TTC7B: variants seen among roughly 807,000 people sequenced by gnomAD.
TTC7B encodes the protein tetratricopeptide repeat protein 7B.
A neutral mutation model predicts 106.8 loss-of-function variants in TTC7B; 28 were observed. That is an observed-to-expected ratio of 0.26 (90% confidence interval 0.19 to 0.36). The LOEUF is 0.36. TTC7B is among the 10% of genes least tolerant of loss of function. TTC7B has a pLI of 1.00. For synonymous variants in TTC7B, 405 were observed against 430.6 expected (o/e 0.94, Z 0.74); for missense variants, 862 against 1,076.4 (o/e 0.80, Z 2.79).
At chr14:90,659,176 C>T (rs1886078873) in intron 9 of TTC7B, among the ~76,000 whole-genome samples, 1 of 151,798 alleles carries the variant, frequency 6.6e-6, no homozygotes, top group African/African-American at 2.4e-5. Flanking sequence ...GGGGAGAATC[C>T]ATGCCACAGA....
Position 90,659,251 on chromosome 14 carries a change from A to AGT in TTC7B, c.1153-866_1153-865dup, listed in dbSNP as rs969267159. Among the ~76,000 whole-genome samples the AGT allele has an allele frequency of 8.8e-4, 121 of 136,992 alleles. 1 individual carries two copies. The highest frequency in any genetic ancestry group is 2.9e-3 in the African/African-American group (97 of 33,758). 89.9% of individuals were successfully genotyped at this position (136,992 alleles called of 152,430 possible). A position where few individuals can be genotyped will look rare whatever the true frequency, so the allele number is the denominator to read the frequency against. On this transcript the variant is annotated intron_variant, in intron 9 of 19. Transcript: ENST00000328459. ...TGTGTGAGAGAGAGAGAGTGTGTGG[A>AGT]GTGTGTGTGTGTGTGTTTGAGAGAG...
At chr14:90,738,383 C>A (rs543598427) in intron 4 of TTC7B, among the ~76,000 whole-genome samples, 1 of 152,156 alleles carries the variant, frequency 6.6e-6, no homozygotes, top group African/African-American at 2.4e-5. Context: ...GCCAAGCTCT[C>A]GAATCACCTG....
At chr14:90,748,711 C>G (rs1263872719) in intron 3 of TTC7B, among the ~76,000 whole-genome samples, 1 of 152,118 alleles carries the variant, frequency 6.6e-6, no homozygotes, top group Non-Finnish European at 1.5e-5. Context: ...CCCCTCCCAG[C>G]CTTTATTATC....
intron 16 of TTC7B, among the ~76,000 whole-genome samples, chr14:90,614,973 G>A (rs1243641723): frequency 6.6e-6 from 1 of 152,206 alleles, no homozygotes; most frequent in Admixed American, 6.5e-5. Context: ...AGAAGACAAA[G>A]CATGAGACAG....
rs1891357075 is a variant in TTC7B at position 90,578,522 on chromosome 14, G to A, written c.2108-214C>T. Among the ~76,000 whole-genome samples, 1 of 152,034 alleles carries A rather than the reference G, an allele frequency of 6.6e-6. No homozygotes were observed. Among genetic ancestry groups the A allele is most frequent in the Non-Finnish European group, 1.5e-5 (1 of 67,998 alleles). On this transcript the variant is annotated intron_variant, in intron 18 of 19. Transcript: ENST00000328459. This position sits in a 1 kb window ranked among gnomAD's most constrained non-coding sequence, Gnocchi z 4.7. ...TCACTCGTGTTGTGGGCCTTGCAGG[G>A]CAGGCATAGGTCACCACCAGGCAGG...
At chr14:90,722,353 A>G (rs553824089) in intron 5 of TTC7B, among the ~76,000 whole-genome samples, 4 of 152,256 alleles carry the variant, frequency 2.6e-5, no homozygotes, top group South Asian at 4.1e-4. Context: ...AATGAACCTG[A>G]TCCTACTAAA....
rs966630593 is a variant in TTC7B at position 90,808,660 on chromosome 14, C to T, written c.121+7515G>A. Among the ~76,000 whole-genome samples, 5 of 152,286 alleles carry T rather than the reference C, an allele frequency of 3.3e-5. No homozygotes were observed. The highest frequency in any genetic ancestry group is 2.0e-4 in the Admixed American group (3 of 15,304). The stretch of plus-strand genomic sequence containing the variant: ...TTGACCTATCTCTGGGTCAGACATC[C>T]GCTCATCCTTGTCTTGGTGGCTGAT... On this transcript the variant is annotated intron_variant, in intron 1 of 19. Transcript: ENST00000328459. The surrounding 1 kb of genome is among the most constrained non-coding windows in gnomAD (Gnocchi z 4.2).
intron 3 of TTC7B, among the ~76,000 whole-genome samples, chr14:90,762,212 A>C (rs919413824): frequency 6.6e-6 from 1 of 152,252 alleles, no homozygotes; most frequent in Non-Finnish European, 1.5e-5. Flanking sequence ...GACAGGAGCT[A>C]GGACAACTGA....
chr14:90,747,490 A>C (rs1225847051), intron 3 of TTC7B, among the ~76,000 whole-genome samples: 1 of 152,206 alleles, frequency 6.6e-6, no homozygotes, highest in Non-Finnish European at 1.5e-5. Flanking sequence ...GACCTCTGAC[A>C]CAGTCCAGAG....
At chr14:90,669,428 G>A (rs1472968449) in intron 9 of TTC7B, among the ~76,000 whole-genome samples, 2 of 152,088 alleles carry the variant, frequency 1.3e-5, no homozygotes, top group East Asian at 3.9e-4. Context: ...GCTGGGCATG[G>A]TAGCTCATGC....
intron 3 of TTC7B, among the ~76,000 whole-genome samples, chr14:90,752,413 T>C (rs1190258196): frequency 6.6e-6 from 1 of 152,160 alleles, no homozygotes; most frequent in African/African-American, 2.4e-5. Flanking sequence ...AGGGAGCTAT[T>C]TTCTCTCCCC....
In TTC7B at chr14:90,541,516, G is replaced by A; in HGVS notation, c.2384C>T (p.Ser795Leu). 3 of 1,613,932 alleles carry A rather than the reference G, an allele frequency of 1.9e-6. No individual in the cohort carries two copies. Among genetic ancestry groups the A allele is most frequent in the Non-Finnish European group, 2.5e-6 (3 of 1,179,898 alleles). ...CCCGTTCCAGACCTCGTGGGCTGTC[G>A]AGTTCACCTGCACCGCGTCCCGGAG... is the stretch of plus-strand genomic sequence containing the variant. ...KILRDAVQVN[S>L]TAHEVWNGLG... is the part of the protein sequence containing the mutation. Residue 795 changes from serine (S) to leucine (L), a missense_variant, in exon 20 of 20, where the codon TCG becomes TTG. Ser to Leu is a moderately radical substitution (Grantham distance 145). Coordinates refer to ENST00000328459, the MANE Select transcript of TTC7B (RefSeq NM_001010854.2).
chr14:90,767,255 GTACAAT>G (rs1390639616), intron 3 of TTC7B, among the ~76,000 whole-genome samples: 1 of 152,076 alleles, frequency 6.6e-6, no homozygotes, highest in Admixed American at 6.6e-5. Flanking sequence ...AGCTGAAAAA[GTACAAT>G]AAGTGAAATG....
intron 1 of TTC7B, among the ~76,000 whole-genome samples, chr14:90,788,142 C>T (rs868467168): frequency 2.6e-5 from 4 of 152,088 alleles, no homozygotes; most frequent in Non-Finnish European, 4.4e-5. Context: ...CCAGCCTGGG[C>T]GACAGAGTGG....
intron 3 of TTC7B, chr14:90,772,568 G>A (rs540771714): frequency 1.8e-4 from 28 of 152,180 alleles, no homozygotes; most frequent in Non-Finnish European, 4.0e-4. Context: ...GAAATGCACT[G>A]TAGTGTTAAC....
intron 4 of TTC7B, among the ~76,000 whole-genome samples, chr14:90,735,506 CAA>C (rs202005793): frequency 2.5e-4 from 28 of 110,766 alleles, no homozygotes; most frequent in Non-Finnish European, 1.6e-4. Context: ...GACCTTGTCT[CAA>C]AAAAAAAAAA....
chr14:90,776,267 A>G (rs1329431837), intron 3 of TTC7B, among the ~76,000 whole-genome samples: 1 of 152,104 alleles, frequency 6.6e-6, no homozygotes, highest in Non-Finnish European at 1.5e-5. Flanking sequence ...GCATCAGGAA[A>G]AAGCAGCCTC....
At position 90,527,117 on chromosome 14, in the gene TTC7B, T is replaced by C. The variant is rs576121040; in HGVS notation, c.*14251A>G. ...CTCATGATTACACTGGAGTTATGGG[T>C]TTGGGGGAAGAAGACCACAGAGATG... On this transcript the variant is annotated 3_prime_UTR_variant, in exon 20 of 20. Transcript: ENST00000328459. The C allele has an allele frequency of 3.3e-5, 5 of 152,076 alleles. No individual in the cohort carries two copies. The highest frequency in any genetic ancestry group is 1.2e-4 in the African/African-American group (5 of 41,478). 9.4% of individuals were successfully genotyped at this position (152,076 alleles called of 1,614,324 possible).
chr14:90,606,049 C>G (rs930665068), intron 17 of TTC7B, among the ~76,000 whole-genome samples: 1 of 152,188 alleles, frequency 6.6e-6, no homozygotes, highest in African/African-American at 2.4e-5. Flanking sequence ...AATAATACAT[C>G]TTTAGCCTAC....
Sources: gnomAD v4.1 joint callset for allele counts (sites outside exome capture counted in the v4.1 genomes callset) on GRCh38, gnomAD v4.1.1 for gene constraint, Gnocchi (gnomAD v3.1) non-coding constraint, MANE v1.5 for transcripts, NCBI Gene and HGNC (gene_info 2026-07-23, HGNC 2026-07-21) for gene names.